Variants in NXPE2 observed in about 807,000 individuals in gnomAD.
NXPE2 encodes the protein NXPE family member 2.
In NXPE2, 34 loss-of-function variants were observed where a neutral mutation model predicts 34.4. The observed-to-expected ratio is 0.99, with a 90% CI of 0.75 to 1.31. The LOEUF (loss-of-function observed/expected upper bound fraction) is 1.31, where lower values mean the gene tolerates loss of function less well. Among genes scored for constraint, NXPE2 ranks in the 40% most tolerant of loss-of-function variants. The pLI is 0.00. For synonymous variants in NXPE2, 235 were observed against 231.3 expected (o/e 1.02, Z -0.15); for missense variants, 649 against 672.5 (o/e 0.97, Z 0.39).
At chr11:114,470,686 A>C in the NXPE2 span, among the ~76,000 whole-genome samples, 2 of 151,620 alleles carry the variant, frequency 1.3e-5, no homozygotes, top group Non-Finnish European at 2.9e-5. Context: ...GCAAGTCCAA[A>C]ATCTGTAGGG....
At chr11:114,608,677 A>G in the NXPE2 span, among the ~76,000 whole-genome samples, 21,555 of 151,404 alleles carry the variant, frequency 0.14, 1,983 homozygotes, top group East Asian at 0.37. Context: ...GATAATAAGC[A>G]TTGCCTCCCA....
chr11:114,534,697 G>T, the NXPE2 span, among the ~76,000 whole-genome samples: 1 of 152,180 alleles, frequency 6.6e-6, no homozygotes, highest in Non-Finnish European at 1.5e-5. Context: ...GATGGAAGAC[G>T]AAATGAATGA....
At chr11:114,613,357 T>C in the NXPE2 span, among the ~76,000 whole-genome samples, 1 of 151,776 alleles carries the variant, frequency 6.6e-6, no homozygotes, top group Non-Finnish European at 1.5e-5. Flanking sequence ...GCCTCGTGGA[T>C]AACCACGGTT....
At chr11:114,577,468 G>A in the NXPE2 span, among the ~76,000 whole-genome samples, 1 of 152,058 alleles carries the variant, frequency 6.6e-6, no homozygotes, top group African/African-American at 2.4e-5. Context: ...CGGGCGATGG[G>A]TGCATCAAAA....
the NXPE2 span, chr11:114,530,285 G>A: frequency 6.2e-7 from 1 of 1,614,154 alleles, no homozygotes. Flanking sequence ...TACAATAGAA[G>A]GCTTCTTGGT....
chr11:114,770,634 A>G, the NXPE2 span, among the ~76,000 whole-genome samples: 1 of 152,246 alleles, frequency 6.6e-6, no homozygotes, highest in South Asian at 2.1e-4. Context: ...ATGTCTCCAT[A>G]CAAATTATCT....
chr11:114,502,217 C>T, the NXPE2 span, among the ~76,000 whole-genome samples: 1 of 151,768 alleles, frequency 6.6e-6, no homozygotes, highest in African/African-American at 2.4e-5. Flanking sequence ...TGTAGATTTA[C>T]TTCTCTTTAT....
the NXPE2 span, among the ~76,000 whole-genome samples, chr11:114,589,450 C>T: frequency 6.6e-6 from 1 of 152,234 alleles, no homozygotes; most frequent in East Asian, 1.9e-4. Context: ...CTCATAAACA[C>T]TCTGATATGT....
At chr11:114,647,936 G>A in the NXPE2 span, among the ~76,000 whole-genome samples, 2 of 152,082 alleles carry the variant, frequency 1.3e-5, no homozygotes, top group African/African-American at 2.4e-5. Context: ...TCCTGACCTC[G>A]TGATCCACCT....
the NXPE2 span, among the ~76,000 whole-genome samples, chr11:114,541,074 T>G: frequency 6.6e-6 from 1 of 152,002 alleles, no homozygotes; most frequent in African/African-American, 2.4e-5. Flanking sequence ...AGAACTCAAC[T>G]GAGATGTGAT....
the NXPE2 span, among the ~76,000 whole-genome samples, chr11:114,629,787 A>C: frequency 1.3e-5 from 2 of 151,052 alleles, no homozygotes; most frequent in Admixed American, 6.6e-5. Context: ...GTCTCAGCCC[A>C]AAATCTCCTC....
chr11:114,512,540 A>G, the NXPE2 span, among the ~76,000 whole-genome samples: 3 of 152,158 alleles, frequency 2.0e-5, no homozygotes, highest in African/African-American at 7.2e-5. Context: ...GGAGCCATCC[A>G]TCCTCAGGCT....
At chr11:114,492,063 G>T in the NXPE2 span, among the ~76,000 whole-genome samples, 1 of 152,076 alleles carries the variant, frequency 6.6e-6, no homozygotes, top group Admixed American at 6.5e-5. Context: ...AATGCTAAAT[G>T]ATGAGTTAAT....
At chr11:114,465,918 A>G in the NXPE2 span, among the ~76,000 whole-genome samples, 1 of 152,226 alleles carries the variant, frequency 6.6e-6, no homozygotes, top group Non-Finnish European at 1.5e-5. Flanking sequence ...TAATATCAAA[A>G]TGTTTCCCTC....
the NXPE2 span, among the ~76,000 whole-genome samples, chr11:114,624,908 G>C: frequency 6.6e-6 from 1 of 152,140 alleles, no homozygotes; most frequent in Admixed American, 6.5e-5. Context: ...TGGCCTCATG[G>C]GTAACCACTG....
At chr11:114,575,862 T>C in the NXPE2 span, among the ~76,000 whole-genome samples, 1 of 152,078 alleles carries the variant, frequency 6.6e-6, no homozygotes, top group Non-Finnish European at 1.5e-5. Flanking sequence ...CTAAAATTCA[T>C]ATGGAACCAA....
At chr11:114,646,427 A>T in the NXPE2 span, among the ~76,000 whole-genome samples, 4 of 151,982 alleles carry the variant, frequency 2.6e-5, no homozygotes, top group African/African-American at 9.6e-5. Flanking sequence ...ATATTTATAA[A>T]TTTTTCTGTT....
the NXPE2 span, chr11:114,530,471 A>C: frequency 6.2e-7 from 1 of 1,614,220 alleles, no homozygotes; most frequent in Non-Finnish European, 8.5e-7. Context: ...TGAGCAGCAG[A>C]GACAGGGAGA....
the NXPE2 span, among the ~76,000 whole-genome samples, chr11:114,747,270 G>A: frequency 6.6e-6 from 1 of 151,610 alleles, no homozygotes; most frequent in Non-Finnish European, 1.5e-5. Context: ...TAACACTCAG[G>A]ACCCAGGCCG....
Sources: allele counts gnomAD v4.1 joint callset (sites outside exome capture counted in the v4.1 genomes callset), GRCh38; gene constraint gnomAD v4.1.1; transcripts MANE v1.5; gene names NCBI Gene and HGNC (gene_info 2026-07-23, HGNC 2026-07-21).